Variants in WDR62 observed in about 807,000 individuals in gnomAD.
WDR62 encodes the protein WD repeat-containing protein 62.
WDR62 carries 112 observed loss-of-function variants against 160.6 expected under a neutral mutation model. The observed-to-expected ratio is 0.70, with a 90% CI of 0.60 to 0.82. WDR62 has a LOEUF of 0.82. Among genes scored for constraint, WDR62 ranks in the 40% least tolerant of loss-of-function variants. The pLI is 0.00. For missense variants in WDR62, 1,819 were observed against 1,983.8 expected, an observed-to-expected ratio of 0.92 and a Z score of 1.58; for synonymous variants, 792 against 815.1, an observed-to-expected ratio of 0.97 and a Z score of 0.48.
Position 36,058,819 on chromosome 19 carries a change from A to G in WDR62, c.217A>G (p.Ser73Gly). 6.2e-7 allele frequency: 1 copy of G among 1,614,258 alleles called. No homozygotes were observed. The highest frequency in any genetic ancestry group is 8.5e-7 in the Non-Finnish European group (1 of 1,180,034). Residue 73 changes from serine (S) to glycine (G), a missense_variant, in exon 2 of 32, where the codon AGC becomes GGC. By Grantham distance (56) the Ser-to-Gly change is moderately conservative. This residue lies in a region of WDR62 where 934 missense variants were observed against 1,157.2 expected (regional missense o/e 0.81). Transcript: ENST00000401500. ...GGTGCTTGGCATCACAGCCCAGAAC[A>G]GCAGTGGCCTAACCTGTGACCCCGG... ...EKVLGITAQN[S>G]SGLTCDPGTG...
chr19:36,078,840 A>C (rs1971730656), intron 9 of WDR62, among the ~76,000 whole-genome samples: 1 of 151,378 alleles, frequency 6.6e-6, no homozygotes, highest in South Asian at 2.1e-4. Flanking sequence ...TGTCAAAAAA[A>C]AAAAAAAAAA....
intron 20 of WDR62, among the ~76,000 whole-genome samples, chr19:36,095,451 A>G (rs1972898848): frequency 6.6e-6 from 1 of 152,228 alleles, no homozygotes; most frequent in African/African-American, 2.4e-5. Flanking sequence ...TTCTGAGGGC[A>G]GAGACTGTAG....
chr19:36,061,988 G>C (rs1266200374), intron 3 of WDR62: 2 of 150,738 alleles, frequency 1.3e-5, no homozygotes, highest in Non-Finnish European at 2.9e-5. Context: ...CTGTCACCCA[G>C]GCTGCTGGAG....
At chr19:36,096,127 G>A (rs2145822039) in intron 20 of WDR62, among the ~76,000 whole-genome samples, 1 of 152,222 alleles carries the variant, frequency 6.6e-6, no homozygotes. Context: ...CACTATTTTT[G>A]TTGCCCAGGC....
At chr19:36,101,502 C>T in intron 24 of WDR62, 162 bp from the exon 25 acceptor site, 1 of 789,226 alleles carries the variant, frequency 1.3e-6, no homozygotes, top group Non-Finnish European at 2.1e-6. Context: ...CCAGCTCTGC[C>T]ACCTCCTTGA....
At chr19:36,081,301 A>T in intron 9 of WDR62, 132 bp from the exon 10 acceptor site, 12 of 1,092,434 alleles carry the variant, frequency 1.1e-5, no homozygotes, top group Middle Eastern at 2.3e-4. Flanking sequence ...TTTCTTGTTT[A>T]TTTTTAGCAT....
At chr19:36,073,136 C>T (rs1406194547) in intron 8 of WDR62, among the ~76,000 whole-genome samples, 1 of 152,010 alleles carries the variant, frequency 6.6e-6, no homozygotes, top group Non-Finnish European at 1.5e-5. Context: ...CGGGGCCAGG[C>T]AAAAATTTCC....
chr19:36,101,363 G>C (rs1246505981), intron 24 of WDR62, 46 bp downstream of exon 24: 3 of 1,527,766 alleles, frequency 2.0e-6, no homozygotes, highest in Non-Finnish European at 1.8e-6. Flanking sequence ...TGTGCGTTCA[G>C]CCAAGCCCCT....
intron 9 of WDR62, chr19:36,073,926 G>A (rs1485441833): frequency 5.6e-6 from 2 of 359,772 alleles, no homozygotes; most frequent in Non-Finnish European, 5.5e-6. Flanking sequence ...CACAAGCACA[G>A]AGGCCCTGCG....
chr19:36,084,435 CA>C (rs1972082915), intron 11 of WDR62, among the ~76,000 whole-genome samples: 1 of 152,184 alleles, frequency 6.6e-6, no homozygotes, highest in Non-Finnish European at 1.5e-5. Flanking sequence ...CCAGGCACCA[CA>C]AGGGGCTGCT....
Position 36,086,713 on chromosome 19 carries a change from C to T in WDR62, c.1669C>T (p.Arg557Trp), listed in dbSNP as rs1159993236. The change falls in exon 13 of 32, where the codon CGG (arginine) becomes TGG (tryptophan). Residue 557 changes from arginine to tryptophan, a missense_variant. Physicochemically the swap from Arg to Trp is moderately radical, Grantham distance 101. Around this residue, in one of 3 missense-constraint regions of WDR62, gnomAD observed 934 missense variants for 1,157.2 expected, o/e 0.81. Transcript: ENST00000401500. ...TGLTLLASAS[R>W]DRLIHVLNVE... ...GCTGACCTTGCTGGCCTCAGCCAGT[C>T]GGGACCGGCTGATCCATGTGCTGAA... The T allele has an allele frequency of 1.6e-5, 25 of 1,604,332 alleles. No individual in the cohort carries two copies. Among genetic ancestry groups the T allele is most frequent in the Non-Finnish European group, 2.0e-5 (24 of 1,175,020 alleles).
chr19:36,101,752 C>T lies in WDR62; in HGVS notation c.3060C>T (p.Ala1020=), dbSNP rs1418717120. 1.9e-6 allele frequency: 3 copies of T among 1,552,016 alleles called. No individual in the cohort carries two copies. The highest frequency in any genetic ancestry group is 2.6e-6 in the Non-Finnish European group (3 of 1,147,296). The stretch of plus-strand genomic sequence containing the variant: ...CTCCTGACCCTGCCCCTCGGTTTGC[C>T]ACGTCGCTGCCCCATTTCCCAGGTA... ...APPPDPAPRF[A]TSLPHFPGCA... is the part of the protein sequence containing the mutation. Residue 1020 remains alanine (A), a synonymous_variant, in exon 25 of 32, where the codon GCC becomes GCT. Transcript: ENST00000401500.
intron 1 of WDR62, among the ~76,000 whole-genome samples, chr19:36,056,080 C>G (rs1970349518): frequency 6.6e-6 from 1 of 152,134 alleles, no homozygotes; most frequent in African/African-American, 2.4e-5. Context: ...CGGGAGAAAT[C>G]GCTTGAACCT....
intron 9 of WDR62, among the ~76,000 whole-genome samples, chr19:36,077,573 C>T (rs535593083): frequency 6.6e-6 from 1 of 151,876 alleles, no homozygotes; most frequent in African/African-American, 2.4e-5. Context: ...AGCCACCATG[C>T]CAGGCTGTTT....
At chr19:36,078,903 CT>C (rs550885984) in intron 9 of WDR62, among the ~76,000 whole-genome samples, 4,960 of 129,530 alleles carry the variant, frequency 0.038, 185 homozygotes, top group African/African-American at 0.13. Context: ...TTCTGCTGTG[CT>C]TTTTTTTTTT....
intron 23 of WDR62, 56 bp downstream of exon 23, chr19:36,100,931 T>A: frequency 6.8e-6 from 11 of 1,612,772 alleles, no homozygotes; most frequent in Non-Finnish European, 9.3e-6. Flanking sequence ...AGCTGATAGC[T>A]GCATCCTGGA....
intron 9 of WDR62, chr19:36,075,438 A>T (rs986418840): frequency 6.7e-6 from 1 of 149,852 alleles, no homozygotes; most frequent in East Asian, 2.0e-4. Flanking sequence ...TTTATCAATT[A>T]TTGTTAGCAG....
At chr19:36,096,999 T>C in intron 20 of WDR62, 28 bp from the exon 21 acceptor site, 2 of 1,601,388 alleles carry the variant, frequency 1.2e-6, no homozygotes, top group Non-Finnish European at 1.7e-6. Flanking sequence ...TTGTTTGTCC[T>C]CTTTTCATGG....
In WDR62 at chr19:36,084,131, G is replaced by A. The variant is rs942639815; in HGVS notation, c.1551-522G>A. 5.9e-5 allele frequency among the ~76,000 whole-genome samples: 9 copies of A among 152,232 alleles called. No homozygotes were observed. In the East Asian group the frequency reaches 1.5e-3, roughly 26 times the overall value. On this transcript the variant is annotated intron_variant, in intron 11 of 31. Coordinates refer to ENST00000401500, the MANE Select transcript of WDR62 (RefSeq NM_001083961.2). Reference sequence around the variant, plus strand: ...CCTCTCACTGACCCCTGATGTAAGTGATGTTATTGGCACAAGGTGTCTGGA... The same window carrying A: ...CCTCTCACTGACCCCTGATGTAAGTAATGTTATTGGCACAAGGTGTCTGGA...
Sources: allele counts gnomAD v4.1 joint callset (sites outside exome capture counted in the v4.1 genomes callset), GRCh38; gene constraint gnomAD v4.1.1; regional missense constraint gnomAD v4.1.1; transcripts MANE v1.5; gene names NCBI Gene and HGNC (gene_info 2026-07-23, HGNC 2026-07-21).